The following ZNF117 variants were observed in gnomAD, a reference collection of about 807,000 sequenced individuals.
ZNF117 encodes the protein Krueppel-related zinc finger protein.
A neutral mutation model predicts 41.2 loss-of-function variants in ZNF117; 37 were observed. The observed-to-expected ratio is 0.90, with a 90% CI of 0.69 to 1.18. ZNF117 has a LOEUF of 1.18. Among genes scored for constraint, ZNF117 ranks in the 50% most tolerant of loss-of-function variants. ZNF117 has a pLI of 0.00. For missense variants in ZNF117, 546 were observed against 557.5 expected (o/e 0.98, Z 0.21); for synonymous variants, 186 against 186.6 (o/e 1.00, Z 0.02).
At chr7:64,984,187 A>G (rs139081282), upstream of ZNF117, among the ~76,000 whole-genome samples, 5 of 152,046 alleles carry the variant, frequency 3.3e-5, no homozygotes, top group Non-Finnish European at 7.4e-5. Flanking sequence ...GCTGGAGTGT[A>G]GTGGTACAAT....
At chr7:64,989,445 A>T (rs12669766) in intron 1 of ZNF117, among the ~76,000 whole-genome samples, 26 of 4,688 alleles carry the variant, frequency 5.5e-3, no homozygotes, top group East Asian at 0.045. Context: ...ACTTAAAATT[A>T]TATATATATA....
chr7:64,983,062 G>C, upstream of ZNF117, among the ~76,000 whole-genome samples: 1 of 152,206 alleles, frequency 6.6e-6, no homozygotes, highest in East Asian at 1.9e-4. Flanking sequence ...GTGATTTTAA[G>C]TAGTTTTTCT....
Position 64,981,189 on chromosome 7 carries a change from A to T in ZNF117, c.34+198T>A, listed in dbSNP as rs560353014. The T allele has an allele frequency of 3.5e-4, 231 of 652,766 alleles. 3 individuals carry two copies. The South Asian group carries it at 4.6e-3, about 13-fold the overall frequency. The allele number at this position is 652,766 out of a possible 1,614,324, so 40.4% of individuals were successfully genotyped here. A position where few individuals can be genotyped will look rare whatever the true frequency, so the allele number is the denominator to read the frequency against. ...ACTGTGAAATTGAAGACAGATCACT[A>T]AAGGGAAAGAGGAATCCTTAGAGAA... On this transcript the variant is annotated intron_variant, in intron 2 of 2. Transcript: ENST00000620222.
At chr7:64,986,210 A>G (rs1786132333), upstream of ZNF117, among the ~76,000 whole-genome samples, 1 of 152,142 alleles carries the variant, frequency 6.6e-6, no homozygotes, top group Non-Finnish European at 1.5e-5. Context: ...AAAAGTCTCA[A>G]TCATTTTAGG....
At chr7:64,987,322 CT>C (rs1259804400) in intron 1 of ZNF117, among the ~76,000 whole-genome samples, 1 of 152,102 alleles carries the variant, frequency 6.6e-6, no homozygotes, top group African/African-American at 2.4e-5. Flanking sequence ...ATTTATAGCA[CT>C]AAATGCTCAC....
chr7:64,976,578 T>C (rs1785892365), exon 3 of ZNF117: 1 of 201,576 alleles, frequency 5.0e-6, no homozygotes, highest in Admixed American at 5.4e-5. Context: ...TTTGTACAAT[T>C]TTTCTGAAGT....
At chr7:64,990,338 G>A (rs776787732) in exon 1 of ZNF117, 3 of 162,668 alleles carry the variant, frequency 1.8e-5, no homozygotes, top group Non-Finnish European at 2.7e-5. Context: ...GTGGGAATCA[G>A]GAGGCCGGAG....
exon 3 of ZNF117, chr7:64,977,280 C>G: frequency 5.0e-6 from 2 of 402,014 alleles, no homozygotes; most frequent in South Asian, 2.0e-5. Flanking sequence ...GTTTGAAGAT[C>G]GGTTAAAAAC....
exon 3 of ZNF117, chr7:64,977,554 C>G (rs1785917847): frequency 3.6e-6 from 2 of 553,762 alleles, no homozygotes; most frequent in Admixed American, 4.1e-5. Flanking sequence ...TTGCCACATT[C>G]TTCACACTTG....
At chr7:64,975,665 A>T (rs1785870527) in exon 3 of ZNF117, 1 of 152,144 alleles carries the variant, frequency 6.6e-6, no homozygotes, top group Non-Finnish European at 1.5e-5. Flanking sequence ...TTTTTCAAAG[A>T]AAAAAGTATA....
chr7:64,976,795 T>C (rs953450084), exon 3 of ZNF117: 11 of 377,816 alleles, frequency 2.9e-5, no homozygotes, highest in Admixed American at 2.2e-4. Context: ...GTCAAAATCA[T>C]TGTCACATCT....
chr7:64,985,560 A>C (rs1396742515), upstream of ZNF117, among the ~76,000 whole-genome samples: 1 of 152,252 alleles, frequency 6.6e-6, no homozygotes, highest in Non-Finnish European at 1.5e-5. Flanking sequence ...TCCCAAGTCA[A>C]AAACAGTGAC....
At chr7:64,988,303 A>C (rs1417723775) in intron 1 of ZNF117, among the ~76,000 whole-genome samples, 1 of 152,216 alleles carries the variant, frequency 6.6e-6, no homozygotes, top group Non-Finnish European at 1.5e-5. Flanking sequence ...GGTTCAACAT[A>C]CACAAATTAA....
At chr7:64,980,073 A>C (rs878872483) in intron 2 of ZNF117, 1 of 153,408 alleles carries the variant, frequency 6.5e-6, no homozygotes, top group Admixed American at 6.6e-5. Context: ...ACTGTACTAC[A>C]GACAGGGAAC....
exon 3 of ZNF117, chr7:64,978,539 T>A (rs369540832): frequency 6.2e-7 from 1 of 1,612,846 alleles, no homozygotes; most frequent in Admixed American, 1.7e-5. Context: ...GGTTTGAGAG[T>A]TGGTTAAAAG....
exon 3 of ZNF117, chr7:64,978,960 T>G: frequency 6.2e-7 from 1 of 1,613,444 alleles, no homozygotes; most frequent in Non-Finnish European, 8.5e-7. Flanking sequence ...GGTCGATGAC[T>G]GGTTAAAGGC....
At position 64,988,339 on chromosome 7, in the gene ZNF117, A is replaced by C. The variant is rs186746055; in HGVS notation, c.-196+1608T>G. On this transcript the variant is annotated intron_variant, in intron 1 of 3. Coordinates refer to the ZNF117 transcript ENST00000282869. ...TATATGTGATTCATTACAAAAACAA[A>C]AATAAGGATAAAAACCACCAGATTA... 2.0e-5 allele frequency among the ~76,000 whole-genome samples: 3 copies of C among 152,330 alleles called. No individual in the cohort carries two copies. In the East Asian group the frequency reaches 5.8e-4, roughly 29 times the overall value.
upstream of ZNF117, among the ~76,000 whole-genome samples, chr7:64,986,193 T>C (rs1786132121): frequency 6.6e-6 from 1 of 151,822 alleles, no homozygotes; most frequent in African/African-American, 2.4e-5. Context: ...TCAAGAAAAA[T>C]GACAAGAAAA....
intron 1 of ZNF117, among the ~76,000 whole-genome samples, chr7:64,989,446 T>TAC (rs1786206399): frequency 1.9e-4 from 1 of 5,346 alleles, no homozygotes; most frequent in African/African-American, 2.2e-3. Flanking sequence ...CTTAAAATTA[T>TAC]ATATATATAT....
Sources: gnomAD v4.1 joint callset for allele counts (sites outside exome capture counted in the v4.1 genomes callset) on GRCh38, gnomAD v4.1.1 for gene constraint, MANE v1.5 for transcripts, NCBI Gene and HGNC (gene_info 2026-07-23, HGNC 2026-07-21) for gene names.